The following CFAP77 variants were observed in gnomAD, a reference collection of about 807,000 sequenced individuals.
CFAP77 encodes the protein cilia and flagella associated protein 77.
A neutral mutation model predicts 31.1 loss-of-function variants in CFAP77; 25 were observed. The observed-to-expected ratio is 0.80, with a 90% CI of 0.59 to 1.12. The LOEUF is 1.12. Among genes scored for constraint, CFAP77 ranks in the 50% most tolerant of loss-of-function variants. The pLI, the probability that CFAP77 is intolerant of heterozygous loss-of-function variation, is 0.00. For missense variants in CFAP77, 377 were observed against 397.3 expected, an observed-to-expected ratio of 0.95 and a Z score of 0.44; for synonymous variants, 151 against 159.9, an observed-to-expected ratio of 0.94 and a Z score of 0.42.
intron 1 of CFAP77, among the ~76,000 whole-genome samples, chr9:132,425,690 C>G (rs1850301906): frequency 6.6e-6 from 1 of 152,046 alleles, no homozygotes; most frequent in Admixed American, 6.6e-5. Context: ...TAATTTTGAG[C>G]TGATAAACAG....
chr9:132,562,985 A>AC (rs1316915024), intron 5 of CFAP77, among the ~76,000 whole-genome samples: 1 of 151,422 alleles, frequency 6.6e-6, no homozygotes, highest in Non-Finnish European at 1.5e-5. Context: ...GGTGTGAGCC[A>AC]CCCCACCTGG....
chr9:132,458,357 G>GGGGGGGGGGGGGGGTGGGGT (rs139008147), intron 1 of CFAP77, among the ~76,000 whole-genome samples: 1 of 119,116 alleles, frequency 8.4e-6, no homozygotes, highest in Admixed American at 9.8e-5. Context: ...GAGGGGGGGG[G>GGGGGGGGGGGGGGGTGGGGT]GTGTGTATGG....
chr9:132,443,638 A>G (rs1850656769), intron 1 of CFAP77, among the ~76,000 whole-genome samples: 1 of 152,228 alleles, frequency 6.6e-6, no homozygotes, highest in African/African-American at 2.4e-5. Flanking sequence ...TGAAGCAACA[A>G]TGCTCAGTTT....
chr9:132,516,445 G>A (rs1852149074), intron 3 of CFAP77, among the ~76,000 whole-genome samples: 1 of 152,086 alleles, frequency 6.6e-6, no homozygotes, highest in African/African-American at 2.4e-5. Context: ...GAAATGATGC[G>A]GTCCCTGGAA....
At chr9:132,431,972 A>T (rs1850418185) in intron 1 of CFAP77, among the ~76,000 whole-genome samples, 1 of 152,180 alleles carries the variant, frequency 6.6e-6, no homozygotes, top group Non-Finnish European at 1.5e-5. Flanking sequence ...CTGGCTATTC[A>T]AACGAGATTC....
At position 132,498,743 on chromosome 9, in the gene CFAP77, A is replaced by C. The variant is rs1344170382; in HGVS notation, c.244A>C (p.Asn82His). ...AAGAAGCTACAGTCTGCCCGGCATTAATTTTAATTATGGACTCTACATCCG... is the reference window on the plus strand; with the variant it reads ...AAGAAGCTACAGTCTGCCCGGCATTCATTTTAATTATGGACTCTACATCCG... Reference protein sequence around the residue: ...RERSYSLPGINFNYGLYIRGL... With the variant: ...RERSYSLPGIHFNYGLYIRGL... The change falls in exon 2 of 6, where the codon AAT becomes CAT. Residue 82 changes from asparagine to histidine, a missense_variant. Transcript: ENST00000393216. The surrounding 1 kb of genome is among the most constrained non-coding windows in gnomAD (Gnocchi z 4.2). 1.2e-6 allele frequency: 2 copies of C among 1,612,706 alleles called. No homozygotes were observed. Among genetic ancestry groups the C allele is most frequent in the East Asian group, 4.5e-5 (2 of 44,864 alleles).
intron 3 of CFAP77, among the ~76,000 whole-genome samples, chr9:132,502,287 G>GT (rs373869304): frequency 5.9e-4 from 88 of 147,916 alleles, no homozygotes; most frequent in Non-Finnish European, 9.2e-4. Context: ...TGGGGGAGGG[G>GT]GGTGGTAGTT....
At position 132,499,412 on chromosome 9, in the gene CFAP77, C is replaced by G. The variant is rs957290271; in HGVS notation, c.336C>G (p.Cys112Trp). The stretch of plus-strand genomic sequence containing the variant: ...ACGTGTTCAAGCAGCAGCCCACCTG[C>G]CCCCACGAGCTGACCCGGAATTATA... ...RWNVFKQQPT[C>W]PHELTRNYIA... Residue 112 changes from cysteine to tryptophan, a missense_variant, in exon 3 of 6, where the codon TGC becomes TGG. Transcript: ENST00000393216. The surrounding 1 kb of genome is among the most constrained non-coding windows in gnomAD (Gnocchi z 5.4). The G allele has an allele frequency of 3.7e-6, 6 of 1,614,082 alleles. No homozygotes were observed. The highest frequency in any genetic ancestry group is 5.1e-6 in the Non-Finnish European group (6 of 1,180,030).
At chr9:132,447,009 C>T (rs1323486660) in intron 1 of CFAP77, among the ~76,000 whole-genome samples, 1 of 152,154 alleles carries the variant, frequency 6.6e-6, no homozygotes, top group Non-Finnish European at 1.5e-5. Context: ...CCCGCTTCGG[C>T]CTCCCAGAGT....
intron 3 of CFAP77, among the ~76,000 whole-genome samples, chr9:132,519,781 T>C (rs559112041): frequency 1.0e-4 from 15 of 143,160 alleles, no homozygotes; most frequent in African/African-American, 3.7e-4. Context: ...GGTGGATAGA[T>C]GGATGGATGG....
At chr9:132,461,452 T>C (rs558731) in intron 1 of CFAP77, among the ~76,000 whole-genome samples, 51,352 of 152,104 alleles carry the variant, frequency 0.34, 8,952 homozygotes, top group African/African-American at 0.45. Context: ...GCCTTCCTTC[T>C]GGCTCGGGGA....
At chr9:132,474,092 T>A (rs946905658) in intron 1 of CFAP77, among the ~76,000 whole-genome samples, 4 of 152,220 alleles carry the variant, frequency 2.6e-5, no homozygotes, top group Non-Finnish European at 5.9e-5. Flanking sequence ...GCCCTGCATG[T>A]GTCAAAAACT....
chr9:132,565,480 A>C lies in CFAP77; in HGVS notation c.733-6908A>C, dbSNP rs1829874012. 6.6e-6 allele frequency among the ~76,000 whole-genome samples: 1 copy of C among 151,894 alleles called. No individual in the cohort carries two copies. On this transcript the variant is annotated intron_variant, in intron 5 of 5. Transcript: ENST00000393216. This position sits in a 1 kb window ranked among gnomAD's most constrained non-coding sequence, Gnocchi z 4.1. ...CCCCGTCTCTACTAAAAATATAAAAAATTAGCTGGGCGTGATGGCAGACAC... is the reference window on the plus strand; with the variant it reads ...CCCCGTCTCTACTAAAAATATAAAACATTAGCTGGGCGTGATGGCAGACAC...
At position 132,545,244 on chromosome 9, in the gene CFAP77, T is replaced by C. The variant is rs1389342114; in HGVS notation, c.732+2197T>C. Among the ~76,000 whole-genome samples the C allele has an allele frequency of 6.6e-6, 1 of 152,240 alleles. No individual in the cohort carries two copies. The highest frequency in any genetic ancestry group is 1.5e-5 in the Non-Finnish European group (1 of 68,040). On this transcript the variant is annotated intron_variant, in intron 5 of 5. Coordinates refer to ENST00000393216, the MANE Select transcript of CFAP77 (RefSeq NM_001282957.2). This position sits in a 1 kb window ranked among gnomAD's most constrained non-coding sequence, Gnocchi z 4.6. ...CCAGGAATGATGGCCTCCTGTGCCATGCCAGGCACTGTGTGAGGTCATGTG... is the reference window on the plus strand; with the variant it reads ...CCAGGAATGATGGCCTCCTGTGCCACGCCAGGCACTGTGTGAGGTCATGTG...
intron 5 of CFAP77, among the ~76,000 whole-genome samples, chr9:132,563,256 C>T (rs1425957393): frequency 6.6e-6 from 1 of 151,432 alleles, no homozygotes; most frequent in Admixed American, 6.6e-5. Context: ...TTAAGCGATT[C>T]TCCTGCCTCA....
chr9:132,437,068 G>A (rs568554996), intron 1 of CFAP77, among the ~76,000 whole-genome samples: 5 of 152,046 alleles, frequency 3.3e-5, no homozygotes, highest in African/African-American at 9.7e-5. Flanking sequence ...TCTTCATTTC[G>A]CACCCTGTGT....
intron 1 of CFAP77, among the ~76,000 whole-genome samples, chr9:132,445,655 G>A (rs140694218): frequency 4.7e-4 from 71 of 152,118 alleles, no homozygotes; most frequent in African/African-American, 1.5e-3. Context: ...ATCACTTGAG[G>A]TCAGGAGTTC....
intron 5 of CFAP77, among the ~76,000 whole-genome samples, chr9:132,551,559 G>A (rs140295645): frequency 0.011 from 1,650 of 152,210 alleles, 39 homozygotes; most frequent in African/African-American, 0.037. Context: ...GCCTCCCAAA[G>A]TGCCGGGATT....
At position 132,531,509 on chromosome 9, in the gene CFAP77, G is replaced by A. The variant is rs1288799727; in HGVS notation, c.525-6092G>A. On this transcript the variant is annotated intron_variant, in intron 3 of 5. Transcript: ENST00000393216. ...TGAGCGAGAGAAAGAGGATTCCAGG[G>A]CTTGGAAGACGAGGTGGGGGATGGC... is the stretch of plus-strand genomic sequence containing the variant. Among the ~76,000 whole-genome samples the A allele has an allele frequency of 4.6e-5, 7 of 152,004 alleles. No individual in the cohort carries two copies. In the East Asian group the frequency reaches 1.4e-3, roughly 29 times the overall value.
Sources: allele counts gnomAD v4.1 joint callset (sites outside exome capture counted in the v4.1 genomes callset), GRCh38; gene constraint gnomAD v4.1.1; non-coding constraint Gnocchi (gnomAD v3.1); transcripts MANE v1.5; gene names NCBI Gene and HGNC (gene_info 2026-07-23, HGNC 2026-07-21).